The following USP37 variants were observed in gnomAD, a reference collection of about 807,000 sequenced individuals.
USP37 encodes the protein ubiquitin carboxyl-terminal hydrolase 37.
USP37 carries 27 observed loss-of-function variants against 124.0 expected under a neutral mutation model. The ratio of observed to expected loss-of-function variants is 0.22; its 90% confidence interval spans 0.16 to 0.30. The LOEUF (loss-of-function observed/expected upper bound fraction) is 0.30. USP37 is among the 10% of genes least tolerant of loss of function. The pLI is 1.00. For missense variants in USP37, 889 were observed against 1,140.4 expected (o/e 0.78, Z 3.17); for synonymous variants, 365 against 388.0 (o/e 0.94, Z 0.70).
chr2:218,505,675 C>G (rs1267477292), intron 11 of USP37, among the ~76,000 whole-genome samples: 1 of 152,110 alleles, frequency 6.6e-6, no homozygotes, highest in Non-Finnish European at 1.5e-5. Flanking sequence ...TTCTGTTGCC[C>G]TTGTAAGTTA....
chr2:218,552,534 G>C (rs752953535), intron 5 of USP37, among the ~76,000 whole-genome samples: 1 of 151,948 alleles, frequency 6.6e-6, no homozygotes, highest in Non-Finnish European at 1.5e-5. Context: ...GGGAAACAGA[G>C]TGGAATCTTG....
chr2:218,540,021 T>G (rs569908108), intron 8 of USP37, among the ~76,000 whole-genome samples: 4 of 151,156 alleles, frequency 2.6e-5, no homozygotes, highest in African/African-American at 9.8e-5. Context: ...AAAAAAAATC[T>G]TTTTTTTTAT....
intron 8 of USP37, among the ~76,000 whole-genome samples, chr2:218,537,856 G>A (rs1253652206): frequency 1.3e-5 from 2 of 152,136 alleles, no homozygotes; most frequent in African/African-American, 4.8e-5. Flanking sequence ...TACCTCATCT[G>A]TAAAGTATGG....
intron 5 of USP37, among the ~76,000 whole-genome samples, chr2:218,550,995 C>T (rs1177097259): frequency 6.6e-6 from 1 of 152,002 alleles, no homozygotes; most frequent in Non-Finnish European, 1.5e-5. Context: ...ATGTAACACC[C>T]AGAAAAGTCT....
chr2:218,522,786 A>G (rs1351595330), intron 10 of USP37, among the ~76,000 whole-genome samples: 1 of 151,822 alleles, frequency 6.6e-6, no homozygotes, highest in Admixed American at 6.6e-5. Flanking sequence ...TATCTATCTC[A>G]CTGATTTTGT....
intron 18 of USP37, among the ~76,000 whole-genome samples, chr2:218,478,897 T>C (rs190654878): frequency 0.014 from 2,131 of 152,156 alleles, 17 homozygotes; most frequent in Non-Finnish European, 0.021. Context: ...GAAAAGAAAA[T>C]AGCAGTTCCC....
chr2:218,540,503 G>A (rs1691915889), intron 8 of USP37, among the ~76,000 whole-genome samples: 1 of 152,076 alleles, frequency 6.6e-6, no homozygotes, highest in Admixed American at 6.5e-5. Context: ...GCCAAGACTA[G>A]CCAGGTATGG....
At chr2:218,457,790 G>C (rs1040380674) in intron 23 of USP37, among the ~76,000 whole-genome samples, 1 of 152,112 alleles carries the variant, frequency 6.6e-6, no homozygotes, top group African/African-American at 2.4e-5. Context: ...GCTCACGCCT[G>C]TAATCCCAGC....
In USP37 at chr2:218,457,095, A is replaced by T. The variant is rs1689741376; in HGVS notation, c.2710T>A (p.Ser904Thr). 1 of 1,613,768 alleles carries T rather than the reference A, an allele frequency of 6.2e-7. No individual in the cohort carries two copies. The highest frequency in any genetic ancestry group is 8.5e-7 in the Non-Finnish European group (1 of 1,179,834). The change falls in exon 24 of 26, where the codon TCA becomes ACA. Residue 904 changes from serine (S) to threonine (T), a missense_variant. Transcript: ENST00000258399. Reference protein sequence around the residue: ...VVSHIGSTSSSGHYISDVYDI... With the variant: ...VVSHIGSTSSTGHYISDVYDI... ...TGAAATCATGATGGCTATTCACCTGAAGAAGAAGTGCTACCAATGTGACTG... is the reference window on the plus strand; with the variant it reads ...TGAAATCATGATGGCTATTCACCTGTAGAAGAAGTGCTACCAATGTGACTG...
chr2:218,550,686 G>C (rs1266007790), intron 5 of USP37, among the ~76,000 whole-genome samples: 1 of 150,522 alleles, frequency 6.6e-6, no homozygotes, highest in East Asian at 1.9e-4. Context: ...AGAGTATCTT[G>C]CTTCCCCTCA....
chr2:218,483,089 T>C (rs190147263), intron 16 of USP37, among the ~76,000 whole-genome samples: 31 of 152,348 alleles, frequency 2.0e-4, no homozygotes, highest in African/African-American at 7.5e-4. Context: ...TTATAGATTG[T>C]AGTTCTCTTT....
rs1317333568 is a variant in USP37, at chr2:218,500,669, C to T, written c.1026-2512G>A. 5 of 152,188 alleles carry T rather than the reference C, an allele frequency of 3.3e-5. No individual in the cohort carries two copies. The East Asian group carries it at 9.6e-4, about 29-fold the overall frequency. 9.4% of individuals were successfully genotyped at this position (152,188 alleles called of 1,614,324 possible). ...GGGATTACAGGTGTGAGGCACTTCA[C>T]CTGACCTAGCCTTATTTTTAATAGA... On this transcript the variant is annotated intron_variant, in intron 11 of 25. Coordinates refer to ENST00000258399, the MANE Select transcript of USP37 (RefSeq NM_020935.3).
chr2:218,468,786 C>T (rs965288663), intron 20 of USP37, among the ~76,000 whole-genome samples: 2 of 152,048 alleles, frequency 1.3e-5, no homozygotes, highest in African/African-American at 2.4e-5. Context: ...CTCCAACTCC[C>T]GGGTTCAAGA....
intron 10 of USP37, chr2:218,528,843 A>AAAAAT: frequency 3.2e-6 from 1 of 307,804 alleles, no homozygotes. Context: ...AAAAAAAAAG[A>AAAAAT]GCTTATCTAT....
chr2:218,466,065 C>A lies in USP37; in HGVS notation c.2411G>T (p.Arg804Leu). Reference sequence around the variant, plus strand: ...CTGAAGCTCTTGCTCTTCCCTTTCACGCTCCATATCATACTGCTGGAGCCA... The same window carrying A: ...CTGAAGCTCTTGCTCTTCCCTTTCAAGCTCCATATCATACTGCTGGAGCCA... ...VDWLQQYDME[R>L]EREEQELQQA... Residue 804 changes from arginine (R) to leucine (L), a missense_variant, in exon 21 of 26, where the codon CGT (arginine) becomes CTT (leucine). By Grantham distance (102) the Arg-to-Leu change is moderately radical. Transcript: ENST00000258399. The A allele has an allele frequency of 6.2e-7, 1 of 1,613,350 alleles. No homozygotes were observed. The highest frequency in any genetic ancestry group is 8.5e-7 in the Non-Finnish European group (1 of 1,179,856).
intron 1 of USP37, 61 bp from the exon 2 acceptor site, chr2:218,562,874 A>G (rs593888): frequency 0.65 from 258,203 of 394,678 alleles, 85,856 homozygotes; most frequent in East Asian, 0.9. Flanking sequence ...AATACTTAAA[A>G]GAAAGTGGGC....
chr2:218,490,977 A>G (rs1691907041), intron 14 of USP37, among the ~76,000 whole-genome samples: 1 of 152,256 alleles, frequency 6.6e-6, no homozygotes, highest in African/African-American at 2.4e-5. Flanking sequence ...AGGCTCAAGC[A>G]ATCCTCCCAC....
chr2:218,491,131 C>T (rs13028814), intron 14 of USP37, among the ~76,000 whole-genome samples: 8,646 of 152,302 alleles, frequency 0.057, 363 homozygotes, highest in East Asian at 0.12. Flanking sequence ...GCCTCAGCCT[C>T]CCAAAGTGCT....
chr2:218,551,141 TTA>T (rs1404911638), intron 5 of USP37, among the ~76,000 whole-genome samples: 20 of 152,232 alleles, frequency 1.3e-4, no homozygotes, highest in African/African-American at 3.6e-4. Flanking sequence ...TTGTTTATGG[TTA>T]ACACTTTATC....
Sources: gnomAD v4.1 joint callset for allele counts (sites outside exome capture counted in the v4.1 genomes callset) on GRCh38, gnomAD v4.1.1 for gene constraint, MANE v1.5 for transcripts, NCBI Gene and HGNC (gene_info 2026-07-23, HGNC 2026-07-21) for gene names.